Variants in PPFIBP2 observed in about 807,000 individuals in gnomAD.
PPFIBP2 encodes the protein liprin-beta-2.
In PPFIBP2, 118 loss-of-function variants were observed where a neutral mutation model predicts 118.3. The ratio of observed to expected loss-of-function variants is 1.00; its 90% confidence interval spans 0.86 to 1.16. The LOEUF (loss-of-function observed/expected upper bound fraction) is 1.16, where lower values mean the gene tolerates loss of function less well. PPFIBP2 is among the 50% of genes most tolerant of loss of function. The probability of loss-of-function intolerance (pLI) is 0.00; values close to 1 mark genes in which losing one functional copy is unlikely to be tolerated. For missense variants in PPFIBP2, 1,195 were observed against 1,073.1 expected, an observed-to-expected ratio of 1.11 and a Z score of -1.59; for synonymous variants, 414 against 397.4, an observed-to-expected ratio of 1.04 and a Z score of -0.50.
At chr11:7,632,672 GC>G (rs1298255375) in intron 11 of PPFIBP2, 194 bp from the exon 12 acceptor site, 1 of 520,390 alleles carries the variant, frequency 1.9e-6, no homozygotes, top group African/African-American at 1.9e-5. Flanking sequence ...AGGCAAGCTG[GC>G]CCAGATGGAC....
At chr11:7,571,185 G>T (rs1855612672) in intron 3 of PPFIBP2, among the ~76,000 whole-genome samples, 1 of 152,140 alleles carries the variant, frequency 6.6e-6, no homozygotes, top group African/African-American at 2.4e-5. Context: ...GTCAGTTCAG[G>T]TGCCCTCAGT....
At position 7,597,580 on chromosome 11, in the gene PPFIBP2, A is replaced by G; in HGVS notation, c.393A>G (p.Gln131=). ...LILQVSVLTD[Q]VEAQGEKIRD... is the part of the protein sequence containing the mutation. ...AACAGGTGAGTGTCCTCACAGACCAAGTAGAAGCCCAGGGAGAAAAGATTC... is the reference window on the plus strand; with the variant it reads ...AACAGGTGAGTGTCCTCACAGACCAGGTAGAAGCCCAGGGAGAAAAGATTC... The change falls in exon 5 of 24, where the codon CAA becomes CAG. Residue 131 remains glutamine (Q), a synonymous_variant. Transcript: ENST00000299492. The G allele has an allele frequency of 6.2e-7, 1 of 1,613,966 alleles. No homozygotes were observed. The highest frequency in any genetic ancestry group is 8.5e-7 in the Non-Finnish European group (1 of 1,179,956).
chr11:7,642,386 C>T lies in PPFIBP2; in HGVS notation c.1606C>T (p.Pro536Ser), dbSNP rs199898363. 7 of 1,613,926 alleles carry T rather than the reference C, an allele frequency of 4.3e-6. No individual in the cohort carries two copies. The highest frequency in any genetic ancestry group is 5.9e-6 in the Non-Finnish European group (7 of 1,179,980). Residue 536 changes from proline to serine, a missense_variant, in exon 17 of 24, where the codon CCA (proline) becomes TCA (serine). Pro to Ser is a moderately conservative substitution (Grantham distance 74). Transcript: ENST00000299492. ...AGGTGGGCTCCGGGCAACCGCAGGG[C>T]CAAGACTCTCTAGGACCAGGGACTC... ...RRGGLRATAG[P>S]RLSRTRDSKG...
intron 19 of PPFIBP2, 82 bp downstream of exon 19, chr11:7,648,993 C>G (rs1853564387): frequency 7.2e-7 from 1 of 1,387,452 alleles, no homozygotes; most frequent in Non-Finnish European, 1.0e-6. Flanking sequence ...ATGGGTACCT[C>G]AAGGACAGCT....
At chr11:7,556,102 T>C (rs987118649) in intron 2 of PPFIBP2, among the ~76,000 whole-genome samples, 1 of 152,184 alleles carries the variant, frequency 6.6e-6, no homozygotes, top group African/African-American at 2.4e-5. Flanking sequence ...AGAATTAACA[T>C]ATAAAAGCAT....
chr11:7,562,358 T>C (rs1177135421), intron 2 of PPFIBP2, among the ~76,000 whole-genome samples: 1 of 152,228 alleles, frequency 6.6e-6, no homozygotes, highest in Admixed American at 6.5e-5. Flanking sequence ...GACTTTTCCA[T>C]AGGGATGATT....
intron 1 of PPFIBP2, chr11:7,539,146 A>G (rs1851518254): frequency 6.6e-6 from 1 of 152,234 alleles, no homozygotes; most frequent in Non-Finnish European, 1.5e-5. Flanking sequence ...CTGCCTCTTC[A>G]CTTTTATTAG....
At chr11:7,602,089 A>G (rs1276027036) in intron 5 of PPFIBP2, among the ~76,000 whole-genome samples, 2 of 105,746 alleles carry the variant, frequency 1.9e-5, no homozygotes, top group African/African-American at 9.5e-5. Context: ...ATGAAACTCA[A>G]AAAAAAAAAA....
chr11:7,526,731 C>T (rs1049108018), intron 1 of PPFIBP2, among the ~76,000 whole-genome samples: 2 of 152,052 alleles, frequency 1.3e-5, no homozygotes, highest in Non-Finnish European at 2.9e-5. Context: ...ATTAGCCCGG[C>T]GTGACTATGC....
At chr11:7,567,286 A>C (rs1855107303) in intron 3 of PPFIBP2, among the ~76,000 whole-genome samples, 1 of 152,248 alleles carries the variant, frequency 6.6e-6, no homozygotes, top group South Asian at 2.1e-4. Context: ...TAAACAATGA[A>C]TCTAACTTTT....
intron 3 of PPFIBP2, among the ~76,000 whole-genome samples, 200 bp from the exon 4 acceptor site, chr11:7,592,932 C>T (rs149614229): frequency 1.2e-4 from 19 of 152,286 alleles, no homozygotes; most frequent in Admixed American, 3.3e-4. Flanking sequence ...ACTTCCAGGG[C>T]GCACTTTTCA....
At position 7,544,388 on chromosome 11, in the gene PPFIBP2, C is replaced by T. The variant is rs78297837; in HGVS notation, c.-36-5052C>T. ...CTTTCCTGGGCGGTTGGGTGCCCCT[C>T]GTACAGTCCCCATGGCACATTGTTG... On this transcript the variant is annotated intron_variant, in intron 1 of 23. Coordinates refer to ENST00000299492, the MANE Select transcript of PPFIBP2 (RefSeq NM_003621.5). Among the ~76,000 whole-genome samples, 428 of 152,310 alleles carry T rather than the reference C, an allele frequency of 2.8e-3. 2 individuals are homozygous for T. Among genetic ancestry groups the T allele is most frequent in the Admixed American group, 7.8e-3 (120 of 15,302 alleles).
In PPFIBP2 at chr11:7,637,520, T is replaced by C. The variant is rs1851605403; in HGVS notation, c.1236+1927T>C. On this transcript the variant is annotated intron_variant, in intron 14 of 23. Transcript: ENST00000299492. The stretch of plus-strand genomic sequence containing the variant: ...AGAAACAGCTCTGTCTGAGTTGGTC[T>C]GACTCAAAGCCTAGGCCCTTTCCAC... Among the ~76,000 whole-genome samples the C allele has an allele frequency of 1.3e-5, 2 of 152,238 alleles. 1 individual carries two copies. Among genetic ancestry groups the C allele is most frequent in the African/African-American group, 4.8e-5 (2 of 41,468 alleles).
chr11:7,651,481 C>T, intron 22 of PPFIBP2, 175 bp from the exon 23 acceptor site: 1 of 584,816 alleles, frequency 1.7e-6, no homozygotes, highest in Non-Finnish European at 3.0e-6. Context: ...CTAGTATGTG[C>T]TCAGAGCCAG....
chr11:7,595,891 C>CT (rs35903584), intron 4 of PPFIBP2, among the ~76,000 whole-genome samples: 61,797 of 143,498 alleles, frequency 0.43, 13,182 homozygotes, highest in Admixed American at 0.47. Context: ...GATTTTTATC[C>CT]TTTTTTTTTT....
At chr11:7,641,055 C>A (rs1016799410) in intron 15 of PPFIBP2, 1 of 1,281,230 alleles carries the variant, frequency 7.8e-7, no homozygotes, top group Admixed American at 2.3e-5. Context: ...GTGTCAGTGC[C>A]CCCGTATTAG....
chr11:7,662,471 T>C, the PPFIBP2 span, among the ~76,000 whole-genome samples: 1 of 151,950 alleles, frequency 6.6e-6, no homozygotes, highest in African/African-American at 2.4e-5. Flanking sequence ...TGTTGAATAT[T>C]GGCCCCCACT....
intron 2 of PPFIBP2, among the ~76,000 whole-genome samples, chr11:7,563,630 CA>C (rs1396582009): frequency 1.3e-5 from 2 of 152,182 alleles, no homozygotes; most frequent in Non-Finnish European, 2.9e-5. Flanking sequence ...GCGGTGGCCC[CA>C]AGCTCACATT....
downstream of PPFIBP2, chr11:7,655,320 A>G: frequency 1.3e-6 from 1 of 762,414 alleles, no homozygotes; most frequent in Non-Finnish European, 1.9e-6. Context: ...CTGTCCCTCC[A>G]GAGAAGCATG....
Sources: allele counts gnomAD v4.1 joint callset (sites outside exome capture counted in the v4.1 genomes callset), GRCh38; gene constraint gnomAD v4.1.1; transcripts MANE v1.5; gene names NCBI Gene and HGNC (gene_info 2026-07-23, HGNC 2026-07-21).